The following BCAS1 variants were observed in gnomAD, a reference collection of about 807,000 sequenced individuals.
The protein encoded by BCAS1 is brain enriched myelin associated protein 1.
A neutral mutation model predicts 65.4 loss-of-function variants in BCAS1; 46 were observed. The ratio of observed to expected loss-of-function variants is 0.70; its 90% CI spans 0.55 to 0.90. The LOEUF (loss-of-function observed/expected upper bound fraction) is 0.90, where lower values mean the gene tolerates loss of function less well. Among genes scored for constraint, BCAS1 ranks in the 40% least tolerant of loss-of-function variants. The pLI is 0.00. For missense variants in BCAS1, 793 were observed against 771.2 expected, an observed-to-expected ratio of 1.03 and a Z score of -0.33; for synonymous variants, 298 against 293.5, an observed-to-expected ratio of 1.02 and a Z score of -0.16.
At chr20:53,992,850 C>T (rs2090798858) in intron 6 of BCAS1, among the ~76,000 whole-genome samples, 1 of 151,960 alleles carries the variant, frequency 6.6e-6, no homozygotes. Flanking sequence ...TGATTTTCAA[C>T]AGTGACCTAT....
chr20:53,996,434 A>G (rs1568858065), intron 4 of BCAS1, among the ~76,000 whole-genome samples: 2 of 148,406 alleles, frequency 1.3e-5, no homozygotes, highest in South Asian at 2.2e-4. Flanking sequence ...GTTTCCCACA[A>G]TTTCCACAGA....
chr20:54,020,409 A>T (rs1252460552), intron 4 of BCAS1, among the ~76,000 whole-genome samples: 1 of 152,260 alleles, frequency 6.6e-6, no homozygotes, highest in African/African-American at 2.4e-5. Context: ...TACCAAGTAG[A>T]TAGTACAAAT....
intron 7 of BCAS1, among the ~76,000 whole-genome samples, chr20:53,990,893 C>T (rs1306346360): frequency 1.3e-5 from 2 of 152,304 alleles, no homozygotes; most frequent in East Asian, 3.9e-4. Flanking sequence ...TACAGAATTC[C>T]AGAAGGCTGT....
chr20:54,063,456 G>A (rs745748025), intron 1 of BCAS1, among the ~76,000 whole-genome samples: 16 of 152,158 alleles, frequency 1.1e-4, no homozygotes, highest in Non-Finnish European at 1.5e-4. Flanking sequence ...ACAGGTGCCC[G>A]GTAGTGAGAC....
In BCAS1 at chr20:53,975,419, C is replaced by T. The variant is rs920235014; in HGVS notation, c.1287G>A (p.Glu429=). The T allele has an allele frequency of 1.6e-5, 26 of 1,612,212 alleles. No homozygotes were observed. The highest frequency in any genetic ancestry group is 2.2e-5 in the Non-Finnish European group (26 of 1,178,764). The change falls in exon 9 of 13, where the codon GAG becomes GAA. Residue 429 remains glutamate (E), a synonymous_variant. Transcript: ENST00000688948. ...GKLFWKKSVK[E]DSVPTGAEEN... is the part of the protein sequence containing the mutation. ...CCTCCGCACCTGTGGGGACTGAGTC[C>T]TCTTTAACTGACTAAAGGAAGATAA... is the stretch of plus-strand genomic sequence containing the variant.
rs1052491023 is a variant in BCAS1 at position 53,943,827 on chromosome 20, C to G, written c.*1095G>C. The G allele has an allele frequency of 9.9e-5, 15 of 152,274 alleles. No individual in the cohort carries two copies. In the Middle Eastern group the frequency reaches 0.01, roughly 104 times the overall value. The allele number at this position is 152,274 out of a possible 1,614,324, so 9.4% of individuals were successfully genotyped here. The stretch of plus-strand genomic sequence containing the variant: ...GGAACAGATGAAGCGAGCCCCTCAG[C>G]CATCTGAGAAACATTAATAATGTAA... On this transcript the variant is annotated 3_prime_UTR_variant, in exon 13 of 13. Transcript: ENST00000688948.
In BCAS1 at chr20:54,028,627, A is replaced by G. The variant is rs158551; in HGVS notation, c.488T>C (p.Val163Ala). Residue 163 changes from valine (V) to alanine (A), a missense_variant, in exon 4 of 13, where the codon GTC (valine) becomes GCC (alanine). Val to Ala is a moderately conservative substitution (Grantham distance 64). Transcript: ENST00000688948. ...CGTGGGATCCCTGGCGGCAGAGAGG[A>G]CCTTGTCTTGGGCCGGGGCGTGCCC... ...TPGHAPAQDK[V>A]LSAARDPTLL... 103,127 of 1,613,862 alleles carry G rather than the reference A, an allele frequency of 0.064. 6,616 individuals carry two copies. The highest frequency in any genetic ancestry group is 0.39 in the East Asian group (17,521 of 44,848).
At chr20:54,041,800 G>T (rs1402473986) in intron 3 of BCAS1, among the ~76,000 whole-genome samples, 1 of 151,162 alleles carries the variant, frequency 6.6e-6, no homozygotes, top group Non-Finnish European at 1.5e-5. Context: ...TTGGGAGGCG[G>T]TGGCAGGAGA....
intron 4 of BCAS1, among the ~76,000 whole-genome samples, chr20:53,997,964 C>T (rs1228722377): frequency 6.6e-6 from 1 of 152,180 alleles, no homozygotes; most frequent in African/African-American, 2.4e-5. Context: ...TCCACACCAT[C>T]TCCCTGCCCC....
Position 54,028,449 on chromosome 20 carries a change from G to C in BCAS1, c.666C>G (p.Asp222Glu), listed in dbSNP as rs760741795. ...QQEAKRAEHQ[D>E]KVDEVPGLSG... ...ATAAGCCAGGAACCTCATCCACCTT[G>C]TCTTGATGCTCTGCCCTCTTGGCTT... is the stretch of plus-strand genomic sequence containing the variant. Residue 222 changes from aspartate to glutamate, a missense_variant, in exon 4 of 13, where the codon GAC becomes GAG. Coordinates refer to ENST00000688948, the MANE Select transcript of BCAS1 (RefSeq NM_001366298.2). 1.2e-6 allele frequency: 2 copies of C among 1,614,210 alleles called. No homozygotes were observed. Among genetic ancestry groups the C allele is most frequent in the South Asian group, 2.2e-5 (2 of 91,084 alleles).
intron 9 of BCAS1, 53 bp downstream of exon 9, chr20:53,975,335 CA>C: frequency 6.5e-7 from 1 of 1,548,778 alleles, no homozygotes; most frequent in South Asian, 1.1e-5. Flanking sequence ...CCCAATTGTA[CA>C]ACATGGCGGA....
intron 7 of BCAS1, among the ~76,000 whole-genome samples, chr20:53,989,841 T>C (rs2090709002): frequency 6.6e-6 from 1 of 152,222 alleles, no homozygotes; most frequent in East Asian, 1.9e-4. Flanking sequence ...TAAATATTAA[T>C]TTAAGATCAG....
rs6022935 is a variant in BCAS1, at chr20:54,054,974, A to G, written c.142+3111T>C. 3.3e-3 allele frequency among the ~76,000 whole-genome samples: 498 copies of G among 152,330 alleles called. 3 individuals are homozygous for G. Among genetic ancestry groups the G allele is most frequent in the African/African-American group, 0.012 (489 of 41,574 alleles). ...ATACCTATGCATATGTGTATCTCAT[A>G]TATGTTAACACACATGCATAATATA... On this transcript the variant is annotated intron_variant, in intron 3 of 12. Transcript: ENST00000688948.
At chr20:54,027,868 T>A (rs1462177848) in intron 4 of BCAS1, among the ~76,000 whole-genome samples, 3 of 131,926 alleles carry the variant, frequency 2.3e-5, no homozygotes, top group Non-Finnish European at 3.4e-5. Flanking sequence ...TGGAAAAGAA[T>A]TACTACATAA....
rs534223223 is a variant in BCAS1, at chr20:54,057,509, T to C, written c.142+576A>G. Among the ~76,000 whole-genome samples, 123 of 152,344 alleles carry C rather than the reference T, an allele frequency of 8.1e-4. 1 individual carries two copies. The highest frequency in any genetic ancestry group is 1.8e-4 in the Non-Finnish European group (12 of 68,042). ...GCCAAGCTTCATGTTTTCACTCTAT[T>C]GCTTTTATCTTATCTGCTGTAACTC... is the stretch of plus-strand genomic sequence containing the variant. On this transcript the variant is annotated intron_variant, in intron 3 of 12. Coordinates refer to ENST00000688948, the MANE Select transcript of BCAS1 (RefSeq NM_001366298.2).
Position 54,024,905 on chromosome 20 carries a change from A to G in BCAS1, c.723+3487T>C, listed in dbSNP as rs369279694. On this transcript the variant is annotated intron_variant, in intron 4 of 12. Transcript: ENST00000688948. ...AAGAGAGAAAAGAAGAGAAGTGAAA[A>G]CACAGAATATTGTTCTTATTATTAG... is the stretch of plus-strand genomic sequence containing the variant. 5.3e-5 allele frequency among the ~76,000 whole-genome samples: 8 copies of G among 152,176 alleles called. No individual in the cohort carries two copies. In the South Asian group the frequency reaches 1.0e-3, roughly 20 times the overall value.
chr20:54,006,619 A>G (rs2091199490), intron 4 of BCAS1, among the ~76,000 whole-genome samples: 1 of 151,930 alleles, frequency 6.6e-6, no homozygotes, highest in Non-Finnish European at 1.5e-5. Flanking sequence ...CTGAGGCAGG[A>G]GAATTGTTTG....
intron 12 of BCAS1, among the ~76,000 whole-genome samples, chr20:53,949,405 GA>G (rs1224594921): frequency 2.0e-5 from 3 of 152,134 alleles, no homozygotes; most frequent in Admixed American, 6.5e-5. Flanking sequence ...GGAGAAGGAG[GA>G]AAAAAGGACC....
At chr20:54,063,726 C>T (rs771252620) in intron 1 of BCAS1, among the ~76,000 whole-genome samples, 11 of 152,026 alleles carry the variant, frequency 7.2e-5, no homozygotes, top group African/African-American at 1.2e-4. Flanking sequence ...TTTAAATCCC[C>T]GTTTAATAGA....
Sources: gnomAD v4.1 joint callset for allele counts (sites outside exome capture counted in the v4.1 genomes callset) on GRCh38, gnomAD v4.1.1 for gene constraint, MANE v1.5 for transcripts, NCBI Gene and HGNC (gene_info 2026-07-23, HGNC 2026-07-21) for gene names.